Variants in RBFOX1 observed in about 807,000 individuals in gnomAD.
RBFOX1 encodes the protein RNA binding protein fox-1 homolog 1.
In RBFOX1, 8 loss-of-function variants were observed where a neutral mutation model predicts 57.7. The observed-to-expected ratio is 0.14, with a 90% confidence interval of 0.08 to 0.25. RBFOX1 has a LOEUF of 0.25. Ranked by LOEUF, RBFOX1 falls within the 10% of genes least tolerant of loss-of-function variation. RBFOX1 has a pLI of 1.00. For synonymous variants in RBFOX1, 326 were observed against 222.4 expected (o/e 1.47, Z -4.15); for missense variants, 611 against 548.5 (o/e 1.11, Z -1.14).
Position 7,400,024 on chromosome 16 carries a change from G to A in RBFOX1, c.28-118123G>A, listed in dbSNP as rs542793130. The stretch of plus-strand genomic sequence containing the variant: ...TATCTTAACAATTATATGAGGTAGG[G>A]ATTATGGCCTTCTCTGATTTATTGA... On this transcript the variant is annotated intron_variant, in intron 4 of 15. Transcript: ENST00000550418. 3.9e-5 allele frequency among the ~76,000 whole-genome samples: 6 copies of A among 152,270 alleles called. No individual in the cohort carries two copies. In the South Asian group the frequency reaches 1.0e-3, roughly 26 times the overall value.
intron 3 of RBFOX1, among the ~76,000 whole-genome samples, chr16:7,021,875 TTC>T (rs1247594461): frequency 2.0e-5 from 3 of 150,906 alleles, no homozygotes; most frequent in South Asian, 2.1e-4. Flanking sequence ...AGAACCTTCT[TTC>T]TCTCTCTTTC....
At chr16:5,385,180 G>T (rs1253398992) in intron 1 of RBFOX1, among the ~76,000 whole-genome samples, 2 of 152,176 alleles carry the variant, frequency 1.3e-5, no homozygotes, top group East Asian at 3.8e-4. Flanking sequence ...TTCTCATTCA[G>T]TTCTCACCAC....
At chr16:6,199,079 A>C (rs1410195671) in intron 1 of RBFOX1, among the ~76,000 whole-genome samples, 1 of 152,124 alleles carries the variant, frequency 6.6e-6, no homozygotes, top group African/African-American at 2.4e-5. Flanking sequence ...GAAATATAGC[A>C]AAAGTTTCTA....
intron 4 of RBFOX1, among the ~76,000 whole-genome samples, chr16:7,371,488 G>A (rs540571883): frequency 2.0e-5 from 3 of 152,286 alleles, no homozygotes; most frequent in South Asian, 2.1e-4. Context: ...GGTGGCTCAC[G>A]CCTGTAATCC....
intron 2 of RBFOX1, among the ~76,000 whole-genome samples, chr16:6,599,430 A>G (rs574944536): frequency 9.9e-5 from 15 of 152,166 alleles, no homozygotes; most frequent in Non-Finnish European, 2.2e-4. Flanking sequence ...TCTATCTCAG[A>G]ATACTTTGCT....
chr16:6,503,573 G>A (rs775942042), intron 2 of RBFOX1, among the ~76,000 whole-genome samples: 1 of 152,186 alleles, frequency 6.6e-6, no homozygotes, highest in Admixed American at 6.5e-5. Context: ...TTGCTGGGTT[G>A]CCTCAGTTTT....
intron 2 of RBFOX1, among the ~76,000 whole-genome samples, chr16:6,476,797 A>G (rs757939552): frequency 3.9e-5 from 6 of 152,190 alleles, no homozygotes; most frequent in Non-Finnish European, 7.3e-5. Flanking sequence ...GTTTGACAGC[A>G]TTTTACCTAA....
chr16:5,580,722 G>T lies in RBFOX1; in HGVS notation c.259-18180G>T, dbSNP rs182526791. On this transcript the variant is annotated intron_variant, in intron 2 of 2. Transcript: ENST00000585867. ...CACTGCCCTGCGTCTGCACATAGAG[G>T]CCGAGAGGTGGGGACTCCTACACTT... Among the ~76,000 whole-genome samples, 488 of 152,320 alleles carry T rather than the reference G, an allele frequency of 3.2e-3. 2 individuals carry two copies. Among genetic ancestry groups the T allele is most frequent in the Non-Finnish European group, 5.3e-3 (362 of 68,026 alleles).
At chr16:7,550,729 T>A (rs772416095) in intron 5 of RBFOX1, among the ~76,000 whole-genome samples, 20 of 152,196 alleles carry the variant, frequency 1.3e-4, no homozygotes, top group Non-Finnish European at 2.6e-4. Context: ...ACAGTGAGTT[T>A]TCAGACACTG....
chr16:6,112,030 G>T (rs1324149875), intron 1 of RBFOX1, among the ~76,000 whole-genome samples: 3 of 151,412 alleles, frequency 2.0e-5, no homozygotes, highest in African/African-American at 7.3e-5. Context: ...TAAAAAAAAA[G>T]TAGGTGATGT....
intron 3 of RBFOX1, among the ~76,000 whole-genome samples, chr16:6,995,168 T>G (rs1056733915): frequency 6.6e-6 from 1 of 152,154 alleles, no homozygotes; most frequent in African/African-American, 2.4e-5. Context: ...TATGGACATT[T>G]CTCTTACAGT....
intron 4 of RBFOX1, among the ~76,000 whole-genome samples, chr16:7,359,339 C>T (rs1299684586): frequency 6.6e-6 from 1 of 152,150 alleles, no homozygotes; most frequent in African/African-American, 2.4e-5. Context: ...ACATAGTAAG[C>T]ACCTGTTATA....
At chr16:7,581,183 A>G (rs2093730578) in intron 6 of RBFOX1, among the ~76,000 whole-genome samples, 1 of 152,212 alleles carries the variant, frequency 6.6e-6, no homozygotes, top group Admixed American at 6.5e-5. Flanking sequence ...CTGACATTTC[A>G]GAGGAAAAGG....
At chr16:6,448,185 A>C (rs1296225930) in intron 2 of RBFOX1, among the ~76,000 whole-genome samples, 1 of 73,442 alleles carries the variant, frequency 1.4e-5, no homozygotes, top group African/African-American at 5.7e-5. Flanking sequence ...TTTGAGATGG[A>C]ATCCTGCTCT....
intron 5 of RBFOX1, among the ~76,000 whole-genome samples, chr16:7,564,673 G>A (rs1170024789): frequency 6.6e-6 from 1 of 150,920 alleles, no homozygotes; most frequent in East Asian, 2.0e-4. Flanking sequence ...ATAAATGTCT[G>A]TTGTTTAAAC....
At chr16:5,494,616 C>T (rs1208493638) in intron 2 of RBFOX1, among the ~76,000 whole-genome samples, 1 of 152,170 alleles carries the variant, frequency 6.6e-6, no homozygotes, top group Non-Finnish European at 1.5e-5. Flanking sequence ...GCAGGTGTTC[C>T]TGGAGCCTGT....
At chr16:6,674,320 T>C (rs2098786910) in intron 3 of RBFOX1, among the ~76,000 whole-genome samples, 1 of 152,098 alleles carries the variant, frequency 6.6e-6, no homozygotes, top group South Asian at 2.1e-4. Context: ...TATTTTTATT[T>C]TTTTTTCTTT....
chr16:7,202,351 A>G (rs2152729327), intron 4 of RBFOX1, among the ~76,000 whole-genome samples: 1 of 152,268 alleles, frequency 6.6e-6, no homozygotes, highest in East Asian at 1.9e-4. Flanking sequence ...GGATGTGGAA[A>G]AATTGGACCC....
At position 5,841,935 on chromosome 16, in the gene RBFOX1, C is replaced by T. The variant is rs72769032; in HGVS notation, c.319-25368C>T. The stretch of plus-strand genomic sequence containing the variant: ...GATTTGAAATTAAACACCACCAGGT[C>T]TTTGCTCTAGGTAGACGTGGGCTGG... On this transcript the variant is annotated intron_variant, in intron 3 of 19. Transcript: ENST00000641259. Among the ~76,000 whole-genome samples, 1,369 of 152,348 alleles carry T rather than the reference C, an allele frequency of 9.0e-3. 16 individuals are homozygous for T. Among genetic ancestry groups the T allele is most frequent in the Admixed American group, 0.016 (238 of 15,304 alleles).
Sources: gnomAD v4.1 joint callset for allele counts (sites outside exome capture counted in the v4.1 genomes callset) on GRCh38, gnomAD v4.1.1 for gene constraint, MANE v1.5 for transcripts, NCBI Gene and HGNC (gene_info 2026-07-23, HGNC 2026-07-21) for gene names.